TRIM58: variants seen among roughly 807,000 people sequenced by gnomAD.
TRIM58 encodes the protein tripartite motif containing 58, also known as E3 ubiquitin-protein ligase TRIM58.
A neutral mutation model predicts 34.1 loss-of-function variants in TRIM58; 38 were observed. That is an observed-to-expected ratio of 1.12 (90% confidence interval 0.86 to 1.46). The LOEUF (loss-of-function observed/expected upper bound fraction) is 1.46. Among genes scored for constraint, TRIM58 ranks in the 40% most tolerant of loss-of-function variants. The probability of loss-of-function intolerance (pLI) is 0.00; values close to 1 mark genes in which losing one functional copy is unlikely to be tolerated. For missense variants in TRIM58, 677 were observed against 642.0 expected (o/e 1.05, Z -0.59); for synonymous variants, 273 against 275.7 (o/e 0.99, Z 0.10).
At position 247,857,296 on chromosome 1, in the gene TRIM58, CGGTGTGCCT is replaced by C; in HGVS notation, c.53_61del (p.Val18_Leu20del). 1 of 1,406,006 alleles carries C rather than the reference CGGTGTGCCT, an allele frequency of 7.1e-7. No individual in the cohort carries two copies. Among genetic ancestry groups the C allele is most frequent in the Non-Finnish European group, 9.3e-7 (1 of 1,071,818 alleles). The allele number at this position is 1,406,006 out of a possible 1,614,324, so 87.1% of individuals were successfully genotyped here. ...CGGCTGCGCGAGGATGCGCGGTGCC[CGGTGTGCCT>C]GGATTTCCTGCAGGAGCCGGTCAGC... On this transcript the variant is annotated inframe_deletion, in exon 1 of 6. Transcript: ENST00000366481.
chr1:247,874,467 C>T (rs1440666761), intron 5 of TRIM58, among the ~76,000 whole-genome samples: 1 of 152,174 alleles, frequency 6.6e-6, no homozygotes, highest in African/African-American at 2.4e-5. Flanking sequence ...TTGGGAATCA[C>T]ATTTCAACAT....
chr1:247,874,022 G>A (rs1005687956), intron 5 of TRIM58, among the ~76,000 whole-genome samples: 1 of 150,792 alleles, frequency 6.6e-6, no homozygotes, highest in South Asian at 2.1e-4. Flanking sequence ...AGTGGTAGTG[G>A]TAGTAGCAGT....
intron 3 of TRIM58, among the ~76,000 whole-genome samples, chr1:247,867,247 A>G (rs1663951212): frequency 6.6e-6 from 1 of 152,210 alleles, no homozygotes; most frequent in Non-Finnish European, 1.5e-5. Context: ...AATAAATTCT[A>G]TGAGTACTTA....
rs1164182361 is a variant in TRIM58 at position 247,879,229 on chromosome 1, C to T, written c.*2740C>T. On this transcript the variant is annotated 3_prime_UTR_variant, in exon 6 of 6. Coordinates refer to ENST00000366481, the MANE Select transcript of TRIM58 (RefSeq NM_015431.4). ...CTTTTGATTGCTTAAGCCAGGCATC[C>T]GATTGAGTACTTTCTTGATTTCTCC... is the stretch of plus-strand genomic sequence containing the variant. Among the ~76,000 whole-genome samples the T allele has an allele frequency of 2.0e-5, 3 of 152,162 alleles. No homozygotes were observed. Among genetic ancestry groups the T allele is most frequent in the South Asian group, 2.1e-4 (1 of 4,828 alleles).
At position 247,860,626 on chromosome 1, in the gene TRIM58, C is replaced by T; in HGVS notation, c.430C>T (p.Gln144Ter). The T allele has an allele frequency of 4.3e-6, 7 of 1,613,250 alleles. No homozygotes were observed. The highest frequency in any genetic ancestry group is 5.9e-6 in the Non-Finnish European group (7 of 1,179,570). Residue 144 changes from glutamine to a stop codon, truncating the protein, a stop_gained, in exon 2 of 6, where the codon CAG becomes TAG. Transcript: ENST00000366481. LOFTEE classifies it high-confidence loss of function. ...EAAGSYQVKL[Q>*]MALELMRKEL... is the part of the protein sequence containing the mutation. ...AAATGTTCCCAAACAGGTAAAGCTCCAGATGGCTCTGGAACTTATGAGGAA... is the reference window on the plus strand; with the variant it reads ...AAATGTTCCCAAACAGGTAAAGCTCTAGATGGCTCTGGAACTTATGAGGAA...
intron 5 of TRIM58, among the ~76,000 whole-genome samples, chr1:247,871,110 T>G (rs1255263222): frequency 1.3e-5 from 2 of 152,242 alleles, no homozygotes; most frequent in African/African-American, 2.4e-5. Context: ...GGCTTAAAAC[T>G]GTAGGTCATC....
chr1:247,875,434 G>A (rs191636159), intron 5 of TRIM58, among the ~76,000 whole-genome samples: 1 of 152,184 alleles, frequency 6.6e-6, no homozygotes, highest in African/African-American at 2.4e-5. Context: ...AGGCAGACAC[G>A]GGAGGATTGC....
chr1:247,860,566 C>T (rs376590710), intron 1 of TRIM58, 51 bp from the exon 2 acceptor site: 31 of 1,284,846 alleles, frequency 2.4e-5, no homozygotes, highest in African/African-American at 2.9e-5. Flanking sequence ...ATCTGTGTGA[C>T]GTTAGGTACA....
intron 5 of TRIM58, 71 bp from the exon 6 acceptor site, chr1:247,875,829 T>C: frequency 7.4e-7 from 1 of 1,359,644 alleles, no homozygotes; most frequent in Non-Finnish European, 1.0e-6. Flanking sequence ...GGACTATTCT[T>C]TTCAGTGGTT....
At chr1:247,858,784 G>C (rs1409874179) in intron 1 of TRIM58, among the ~76,000 whole-genome samples, 1 of 101,832 alleles carries the variant, frequency 9.8e-6, no homozygotes, top group Non-Finnish European at 1.9e-5. Flanking sequence ...TTTTTGAGAC[G>C]GAGTCTAGTT....
At chr1:247,868,771 A>T (rs1488455576) in intron 5 of TRIM58, among the ~76,000 whole-genome samples, 1 of 152,208 alleles carries the variant, frequency 6.6e-6, no homozygotes, top group East Asian at 1.9e-4. Context: ...CAGAGGCTAG[A>T]GATGAACAGA....
intron 5 of TRIM58, among the ~76,000 whole-genome samples, chr1:247,870,153 T>C (rs1659073150): frequency 1.3e-5 from 2 of 152,208 alleles, no homozygotes; most frequent in African/African-American, 4.8e-5. Flanking sequence ...AGAATAAAGC[T>C]TCTTACAGTG....
chr1:247,859,700 C>T (rs74152853), intron 1 of TRIM58, among the ~76,000 whole-genome samples: 7,115 of 151,702 alleles, frequency 0.047, 530 homozygotes, highest in African/African-American at 0.16. Context: ...CAATAATAAA[C>T]CCATGCTTTA....
At chr1:247,868,092 G>C in intron 5 of TRIM58, 29 bp downstream of exon 5, 1 of 1,559,126 alleles carries the variant, frequency 6.4e-7, no homozygotes, top group East Asian at 2.3e-5. Context: ...CTGGGAATTA[G>C]GCTGCCTGGG....
In TRIM58 at chr1:247,864,866, C is replaced by A; in HGVS notation, c.678C>A (p.Ser226Arg). Residue 226 changes from serine to arginine, a missense_variant, in exon 3 of 6, where the codon AGC (serine) becomes AGA (arginine). Physicochemically the swap from Ser to Arg is moderately radical, Grantham distance 110 (BLOSUM62 -1). Coordinates refer to ENST00000366481, the MANE Select transcript of TRIM58 (RefSeq NM_015431.4). ...GCAAGAGCCGGCTGGTCCAGCAGAGCAAGGCCCTGAAGGAGCTGGCGGATG... is the reference window on the plus strand; with the variant it reads ...GCAAGAGCCGGCTGGTCCAGCAGAGAAAGGCCCTGAAGGAGCTGGCGGATG... ...RESKSRLVQQSKALKELADEL... is the reference protein window; with the variant it reads ...RESKSRLVQQRKALKELADEL... 1 of 1,611,448 alleles carries A rather than the reference C, an allele frequency of 6.2e-7. No homozygotes were observed. Among genetic ancestry groups the A allele is most frequent in the Non-Finnish European group, 8.5e-7 (1 of 1,179,378 alleles).
Position 247,879,631 on chromosome 1 carries a change from C to T in TRIM58, c.*3142C>T, listed in dbSNP as rs556734597. ...GAACCCCCATCCCTCCTCTGATTAT[C>T]TCTCCCACCCCCACTTCCCTTTGCA... On this transcript the variant is annotated 3_prime_UTR_variant, in exon 6 of 6. Transcript: ENST00000366481. Among the ~76,000 whole-genome samples the T allele has an allele frequency of 7.9e-4, 120 of 151,622 alleles. 1 individual carries two copies. The highest frequency in any genetic ancestry group is 1.7e-3 in the South Asian group (8 of 4,790).
intron 2 of TRIM58, among the ~76,000 whole-genome samples, chr1:247,863,754 G>A (rs1663853569): frequency 6.6e-6 from 1 of 152,162 alleles, no homozygotes; most frequent in South Asian, 2.1e-4. Context: ...CTTGAGAGAA[G>A]AAAATCTAGA....
At position 247,857,192 on chromosome 1, in the gene TRIM58, C is replaced by G. The variant is rs944545475; in HGVS notation, c.-55C>G. ...GCGTGGGCTCCTCCCCCTGTGCAGA[C>G]CGCGAGGGGAGACGGTGCGGGCGGC... is the stretch of plus-strand genomic sequence containing the variant. On this transcript the variant is annotated 5_prime_UTR_variant, in exon 1 of 6. Transcript: ENST00000366481. 22 of 1,302,150 alleles carry G rather than the reference C, an allele frequency of 1.7e-5. No homozygotes were observed. Among genetic ancestry groups the G allele is most frequent in the Non-Finnish European group, 5.9e-6 (6 of 1,021,980 alleles). 80.7% of individuals were successfully genotyped at this position (1,302,150 alleles called of 1,614,324 possible).
Position 247,860,704 on chromosome 1 carries a change from A to G in TRIM58, c.508A>G (p.Ile170Val). The change falls in exon 2 of 6, where the codon ATT becomes GTT. Residue 170 changes from isoleucine to valine, a missense_variant. Ile to Val is a conservative substitution (Grantham distance 29, BLOSUM62 3). Coordinates refer to ENST00000366481, the MANE Select transcript of TRIM58 (RefSeq NM_015431.4). Reference protein sequence around the residue: ...QEANVGKKTVIWKEKVEMQRQ... With the variant: ...QEANVGKKTVVWKEKVEMQRQ... The stretch of plus-strand genomic sequence containing the variant: ...GGCCAACGTGGGGAAAAAGACTGTC[A>G]TTTGGAAGGTAAGACCATGTTGGGG... The G allele has an allele frequency of 6.2e-7, 1 of 1,613,080 alleles. No homozygotes were observed. Among genetic ancestry groups the G allele is most frequent in the Non-Finnish European group, 8.5e-7 (1 of 1,179,186 alleles).
Sources: gnomAD v4.1 joint callset for allele counts (sites outside exome capture counted in the v4.1 genomes callset) on GRCh38, gnomAD v4.1.1 for gene constraint, MANE v1.5 for transcripts, NCBI Gene and HGNC (gene_info 2026-07-23, HGNC 2026-07-21) for gene names.